DEPDC5: variants seen among roughly 807,000 people sequenced by gnomAD.
DEPDC5 encodes the protein DEP domain containing 5, GATOR1 subcomplex subunit, also known as GATOR1 complex protein DEPDC5.
Under a neutral mutation model 217.3 loss-of-function variants are expected in DEPDC5, and 73 were observed. The ratio of observed to expected loss-of-function variants is 0.34; its 90% CI spans 0.28 to 0.41. The LOEUF is 0.41. Among genes scored for constraint, DEPDC5 ranks in the 10% least tolerant of loss-of-function variants. DEPDC5 has a pLI of 1.00. For synonymous variants in DEPDC5, 733 were observed against 756.7 expected (o/e 0.97, Z 0.51); for missense variants, 1,675 against 2,070.1 (o/e 0.81, Z 3.70).
chr22:31,865,475 G>T (rs143216650), intron 33 of DEPDC5, among the ~76,000 whole-genome samples: 1 of 152,026 alleles, frequency 6.6e-6, no homozygotes, highest in Admixed American at 6.6e-5. Context: ...CAGCCCGGGC[G>T]ACAGAGCAAG....
intron 38 of DEPDC5, among the ~76,000 whole-genome samples, chr22:31,884,233 A>G (rs1602721100): frequency 6.6e-6 from 1 of 152,040 alleles, no homozygotes; most frequent in East Asian, 1.9e-4. Context: ...CAGCATCTCC[A>G]CCTGCACACA....
Position 31,838,038 on chromosome 22 carries a change from C to G in DEPDC5, c.2355-647C>G, listed in dbSNP as rs190274334. On this transcript the variant is annotated intron_variant, in intron 26 of 42. Coordinates refer to ENST00000651528, the MANE Select transcript of DEPDC5 (RefSeq NM_001242896.3). The stretch of plus-strand genomic sequence containing the variant: ...TATGATGTAAGAACTGTTCGTTTCT[C>G]CAGAGTTCTATTGACATCAACTATT... Among the ~76,000 whole-genome samples, 6 of 152,190 alleles carry G rather than the reference C, an allele frequency of 3.9e-5. No individual in the cohort carries two copies. The East Asian group carries it at 1.2e-3, about 29-fold the overall frequency.
In DEPDC5 at chr22:31,759,521, G is replaced by A. The variant is rs1431287205; in HGVS notation, c.146+888G>A. On this transcript the variant is annotated intron_variant, in intron 3 of 42. Coordinates refer to ENST00000651528, the MANE Select transcript of DEPDC5 (RefSeq NM_001242896.3). ...CCTGAGTAGCTGGGATTACAGGCGC[G>A]TGCCACCATGCTTGGCTAATTTTTG... 5.3e-5 allele frequency among the ~76,000 whole-genome samples: 8 copies of A among 150,932 alleles called. No individual in the cohort carries two copies. The East Asian group carries it at 1.6e-3, about 30-fold the overall frequency.
intron 31 of DEPDC5, among the ~76,000 whole-genome samples, chr22:31,854,140 T>G (rs1345391061): frequency 6.6e-6 from 1 of 152,218 alleles, no homozygotes; most frequent in Non-Finnish European, 1.5e-5. Flanking sequence ...TATGTTCTCA[T>G]GTATACACAT....
At chr22:31,813,993 G>A (rs981044403) in intron 20 of DEPDC5, 4 of 152,254 alleles carry the variant, frequency 2.6e-5, no homozygotes, top group East Asian at 1.9e-4. Flanking sequence ...AAAGTACCCA[G>A]GCGTGGTGGT....
intron 4 of DEPDC5, among the ~76,000 whole-genome samples, chr22:31,761,436 C>T (rs1173716074): frequency 6.6e-6 from 1 of 152,050 alleles, no homozygotes; most frequent in Non-Finnish European, 1.5e-5. Flanking sequence ...GCCTCCAACT[C>T]CATCCATGTT....
chr22:31,801,339 A>G (rs1434852022), intron 14 of DEPDC5, among the ~76,000 whole-genome samples: 1 of 152,142 alleles, frequency 6.6e-6, no homozygotes, highest in Non-Finnish European at 1.5e-5. Flanking sequence ...AAAAGTAACC[A>G]TGTTACTAGA....
intron 31 of DEPDC5, among the ~76,000 whole-genome samples, chr22:31,849,705 TG>T (rs1948727261): frequency 6.6e-6 from 1 of 151,538 alleles, no homozygotes; most frequent in South Asian, 2.1e-4. Context: ...TGCTGGAACC[TG>T]GGAGGCGGAG....
chr22:31,755,667 C>A (rs887152750), intron 2 of DEPDC5, among the ~76,000 whole-genome samples: 4 of 151,926 alleles, frequency 2.6e-5, no homozygotes. Context: ...ACCTCAACCT[C>A]CCTAATAGTT....
intron 33 of DEPDC5, among the ~76,000 whole-genome samples, chr22:31,868,292 G>A (rs2092742589): frequency 1.3e-5 from 2 of 152,086 alleles, no homozygotes; most frequent in South Asian, 4.1e-4. Flanking sequence ...TAGTATTACT[G>A]GCATCAAGTG....
rs561996415 is a variant in DEPDC5, at chr22:31,854,945, T to G, written c.3156-2500T>G. On this transcript the variant is annotated intron_variant, in intron 31 of 42. Coordinates refer to ENST00000651528, the MANE Select transcript of DEPDC5 (RefSeq NM_001242896.3). ...AATGTATGACAATGTAAGGACTTAA[T>G]TGAGTCTTGCTGGTTTTTTTTTTTT... 1.8e-4 allele frequency among the ~76,000 whole-genome samples: 28 copies of G among 152,018 alleles called. 1 individual carries two copies. The South Asian group carries it at 5.6e-3, about 30-fold the overall frequency.
rs1555897260 is a variant in DEPDC5, at chr22:31,838,752, A to G, written c.2422A>G (p.Met808Val). 1 of 1,614,118 alleles carries G rather than the reference A, an allele frequency of 6.2e-7. No homozygotes were observed. The highest frequency in any genetic ancestry group is 2.2e-5 in the East Asian group (1 of 44,886). ...VFEEFICQRLMQGYQIIVQPK... is the reference protein window; with the variant it reads ...VFEEFICQRLVQGYQIIVQPK... The stretch of plus-strand genomic sequence containing the variant: ...TGAAGAGTTTATTTGCCAACGTCTC[A>G]TGCAGGGCTACCAAATCATAGTGCA... The change falls in exon 27 of 43, where the codon ATG (methionine) becomes GTG (valine). Residue 808 changes from methionine (M) to valine (V), a missense_variant. Transcript: ENST00000651528.
At chr22:31,766,553 T>A in intron 5 of DEPDC5, 32 bp from the exon 6 acceptor site, 8 of 1,602,446 alleles carry the variant, frequency 5.0e-6, no homozygotes, top group Non-Finnish European at 6.8e-6. Context: ...GGCAAAGTAA[T>A]GTCAGAGATA....
At chr22:31,801,243 C>T (rs1009308121) in intron 14 of DEPDC5, among the ~76,000 whole-genome samples, 1 of 152,048 alleles carries the variant, frequency 6.6e-6, no homozygotes, top group Non-Finnish European at 1.5e-5. Context: ...TTGCAGTGAG[C>T]TGAGATTGTG....
chr22:31,767,842 GTTCACCCA>G (rs1228451756), intron 6 of DEPDC5, among the ~76,000 whole-genome samples: 3 of 151,206 alleles, frequency 2.0e-5, no homozygotes, highest in African/African-American at 7.3e-5. Context: ...TGCCTCCCGG[GTTCACCCA>G]TTCTTCTGCC....
intron 33 of DEPDC5, among the ~76,000 whole-genome samples, chr22:31,864,019 G>A (rs1216051046): frequency 4.6e-5 from 7 of 151,796 alleles, no homozygotes; most frequent in Admixed American, 3.3e-4. Context: ...ATTTACTGTG[G>A]TAAAATACAC....
intron 31 of DEPDC5, among the ~76,000 whole-genome samples, chr22:31,851,053 C>T (rs945073854): frequency 1.2e-4 from 17 of 138,876 alleles, no homozygotes; most frequent in African/African-American, 3.0e-4. Context: ...GGTTACAGAG[C>T]GAGACTCCGT....
intron 14 of DEPDC5, among the ~76,000 whole-genome samples, chr22:31,802,124 ATTT>A (rs761007210): frequency 1.6e-5 from 2 of 126,898 alleles, no homozygotes; most frequent in Non-Finnish European, 1.7e-5. Context: ...AACAGCATGA[ATTT>A]TTTTTTTTTT....
At chr22:31,866,092 A>G (rs1157905469) in intron 33 of DEPDC5, among the ~76,000 whole-genome samples, 2 of 152,092 alleles carry the variant, frequency 1.3e-5, no homozygotes, top group Non-Finnish European at 2.9e-5. Flanking sequence ...CACGAGGTGG[A>G]AGGTAGAAGA....
Sources: allele counts gnomAD v4.1 joint callset (sites outside exome capture counted in the v4.1 genomes callset), GRCh38; gene constraint gnomAD v4.1.1; transcripts MANE v1.5; gene names NCBI Gene and HGNC (gene_info 2026-07-23, HGNC 2026-07-21).